DGKB: variants seen among roughly 807,000 people sequenced by gnomAD.
The protein encoded by DGKB is 90 kDa diacylglycerol kinase.
In DGKB, 67 loss-of-function variants were observed where a neutral mutation model predicts 114.3. The observed-to-expected ratio is 0.59, with a 90% confidence interval of 0.48 to 0.72. The LOEUF is 0.72. Among genes scored for constraint, DGKB ranks in the 30% least tolerant of loss-of-function variants. The probability of loss-of-function intolerance (pLI) is 0.00; values close to 1 mark genes in which losing one functional copy is unlikely to be tolerated. For missense variants in DGKB, 907 were observed against 975.2 expected, an observed-to-expected ratio of 0.93 and a Z score of 0.93; for synonymous variants, 398 against 323.1, an observed-to-expected ratio of 1.23 and a Z score of -2.49.
intron 2 of DGKB, among the ~76,000 whole-genome samples, chr7:14,823,173 T>C (rs971938234): frequency 6.6e-6 from 1 of 151,836 alleles, no homozygotes; most frequent in Admixed American, 6.6e-5. Flanking sequence ...GAGATTTCTA[T>C]ATAAAATAAA....
intron 25 of DGKB, among the ~76,000 whole-genome samples, chr7:14,172,056 G>A (rs1450922876): frequency 2.0e-5 from 3 of 152,198 alleles, no homozygotes; most frequent in Admixed American, 6.5e-5. Flanking sequence ...GGAAGGAGGG[G>A]TTGTGCTCAG....
At chr7:14,827,441 A>C (rs1845849206) in intron 2 of DGKB, among the ~76,000 whole-genome samples, 1 of 152,030 alleles carries the variant, frequency 6.6e-6, no homozygotes. Context: ...AGAGAGACAG[A>C]CACAGACAGA....
intron 1 of DGKB, among the ~76,000 whole-genome samples, chr7:14,918,951 T>C (rs972565237): frequency 2.6e-5 from 4 of 151,774 alleles, no homozygotes; most frequent in African/African-American, 9.7e-5. Context: ...TAATCCCAGC[T>C]ACTCAGGAGG....
At chr7:14,824,285 A>G (rs1207284723) in intron 2 of DGKB, among the ~76,000 whole-genome samples, 1 of 152,112 alleles carries the variant, frequency 6.6e-6, no homozygotes, top group African/African-American at 2.4e-5. Context: ...TTTTCTCTCT[A>G]AACAGTAATT....
chr7:14,729,277 C>T (rs924143648), intron 5 of DGKB, among the ~76,000 whole-genome samples: 33 of 140,226 alleles, frequency 2.4e-4, no homozygotes, highest in Middle Eastern at 3.5e-3. Context: ...CGCCTGCCAC[C>T]ACATCCGGCT....
At chr7:14,920,476 A>C (rs149959637) in intron 1 of DGKB, among the ~76,000 whole-genome samples, 161 of 152,334 alleles carry the variant, frequency 1.1e-3, no homozygotes, top group African/African-American at 3.8e-3. Flanking sequence ...GAATGTCTAT[A>C]ATCCAAAAAT....
intron 23 of DGKB, among the ~76,000 whole-genome samples, chr7:14,262,220 C>A (rs1368687108): frequency 6.6e-6 from 1 of 152,106 alleles, no homozygotes. Context: ...ATTGAGCCCA[C>A]GTAGAATTTA....
At chr7:14,676,531 T>A (rs1819885774) in intron 12 of DGKB, among the ~76,000 whole-genome samples, 2 of 152,124 alleles carry the variant, frequency 1.3e-5, no homozygotes. Flanking sequence ...AAACATCTCA[T>A]GTGCCTCATA....
At chr7:14,792,521 T>C (rs1840809502) in intron 2 of DGKB, among the ~76,000 whole-genome samples, 1 of 151,902 alleles carries the variant, frequency 6.6e-6, no homozygotes, top group African/African-American at 2.4e-5. Flanking sequence ...AAAATGAATC[T>C]TTTTTTTCTA....
Position 14,691,489 on chromosome 7 carries a change from A to G in DGKB, c.711+2586T>C, listed in dbSNP as rs111327447. On this transcript the variant is annotated intron_variant, in intron 9 of 25. Coordinates refer to ENST00000402815, the MANE Select transcript of DGKB (RefSeq NM_001350709.2). The stretch of plus-strand genomic sequence containing the variant: ...AACACATTAACTGCCTACAGAAAGG[A>G]AATAAATCTCAATTGCTAAAAAAGG... Among the ~76,000 whole-genome samples the G allele has an allele frequency of 1.5e-3, 222 of 152,310 alleles. 1 individual carries two copies. Among genetic ancestry groups the G allele is most frequent in the African/African-American group, 5.2e-3 (218 of 41,558 alleles).
At chr7:14,326,292 T>C (rs1808712417) in intron 23 of DGKB, among the ~76,000 whole-genome samples, 1 of 152,102 alleles carries the variant, frequency 6.6e-6, no homozygotes, top group African/African-American at 2.4e-5. Context: ...TTGCTCTTTT[T>C]TTTTCCTTGC....
At chr7:14,552,865 A>C (rs1486351152) in intron 20 of DGKB, among the ~76,000 whole-genome samples, 2 of 152,256 alleles carry the variant, frequency 1.3e-5, no homozygotes, top group African/African-American at 4.8e-5. Context: ...CCACAAGGAC[A>C]AGAACATGAT....
At chr7:14,313,539 C>A (rs1257886973) in intron 23 of DGKB, among the ~76,000 whole-genome samples, 2 of 152,156 alleles carry the variant, frequency 1.3e-5, no homozygotes, top group Admixed American at 6.5e-5. Flanking sequence ...TCGGGAAAAT[C>A]GGGTCACTCC....
rs1781574460 is a variant in DGKB, at chr7:14,147,249, A to G, written c.*1882T>C. 6.6e-6 allele frequency: 1 copy of G among 152,108 alleles called. No homozygotes were observed. The highest frequency in any genetic ancestry group is 2.4e-5 in the African/African-American group (1 of 41,444). 9.4% of individuals were successfully genotyped at this position (152,108 alleles called of 1,614,324 possible). ...CAACTTTTTTATTTTATACCAGCGCAAGTGATTGCTGTACTAAATTTGCAA... is the reference window on the plus strand; with the variant it reads ...CAACTTTTTTATTTTATACCAGCGCGAGTGATTGCTGTACTAAATTTGCAA... On this transcript the variant is annotated 3_prime_UTR_variant, in exon 26 of 26. Transcript: ENST00000402815.
intron 1 of DGKB, among the ~76,000 whole-genome samples, chr7:14,898,277 T>C (rs770972698): frequency 9.9e-5 from 15 of 152,004 alleles, no homozygotes; most frequent in Admixed American, 2.6e-4. Context: ...AGGTGCAACA[T>C]TGTGCGAACT....
intron 23 of DGKB, among the ~76,000 whole-genome samples, chr7:14,306,778 G>A (rs761538831): frequency 6.6e-5 from 10 of 151,984 alleles, no homozygotes; most frequent in Non-Finnish European, 1.3e-4. Flanking sequence ...AGTTTATTAG[G>A]AAAGAAAGAA....
At chr7:14,617,813 G>T (rs1318874159) in intron 15 of DGKB, among the ~76,000 whole-genome samples, 2 of 151,482 alleles carry the variant, frequency 1.3e-5, no homozygotes, top group South Asian at 2.1e-4. Context: ...ATGACCAACT[G>T]CTTCATCTCT....
intron 13 of DGKB, among the ~76,000 whole-genome samples, chr7:14,650,887 G>T (rs903872312): frequency 6.6e-6 from 1 of 151,842 alleles, no homozygotes; most frequent in African/African-American, 2.4e-5. Flanking sequence ...AAATAAACTA[G>T]AAAATCTAGA....
chr7:14,704,013 G>C (rs184535403), intron 6 of DGKB, among the ~76,000 whole-genome samples: 117 of 151,986 alleles, frequency 7.7e-4, no homozygotes, highest in Middle Eastern at 6.8e-3. Flanking sequence ...TCGAAAAATA[G>C]AATTCTTACT....
Sources: gnomAD v4.1 joint callset for allele counts (sites outside exome capture counted in the v4.1 genomes callset) on GRCh38, gnomAD v4.1.1 for gene constraint, MANE v1.5 for transcripts, NCBI Gene and HGNC (gene_info 2026-07-23, HGNC 2026-07-21) for gene names.